CDKL5: variants seen among roughly 807,000 people sequenced by gnomAD.
CDKL5 encodes the protein cyclin dependent kinase like 5.
A neutral mutation model predicts 61.7 loss-of-function variants in CDKL5; 8 were observed. That is an observed-to-expected ratio of 0.13 (90% CI 0.08 to 0.23). CDKL5 has a LOEUF of 0.23. Among genes scored for constraint, CDKL5 ranks in the 10% least tolerant of loss-of-function variants. The pLI is 1.00. For synonymous variants in CDKL5, 275 were observed against 272.3 expected, an observed-to-expected ratio of 1.01 and a Z score of -0.10; for missense variants, 440 against 734.5, an observed-to-expected ratio of 0.60 and a Z score of 4.63.
chrX:18,583,243 CTG>C (rs760438288), intron 7 of CDKL5, among the ~76,000 whole-genome samples: 90 of 110,657 alleles, frequency 8.1e-4, no homozygotes, highest in African/African-American at 2.7e-3. Flanking sequence ...AGAGAAAAGA[CTG>C]TTGTAAATGG....
intron 11 of CDKL5, among the ~76,000 whole-genome samples, chrX:18,602,234 T>C (rs1926201840): frequency 9.0e-6 from 1 of 111,655 alleles, no homozygotes; most frequent in Admixed American, 9.5e-5. Flanking sequence ...GGATTGGAGG[T>C]TGGGCAAATG....
chrX:18,650,285 G>T, intron 20 of CDKL5: 2 of 610,563 alleles, frequency 3.3e-6, no homozygotes, highest in Non-Finnish European at 5.5e-6. Context: ...AGACGTGGAT[G>T]CTGTACTTAC....
chrX:18,552,232 C>CA (rs2147123102), intron 3 of CDKL5, among the ~76,000 whole-genome samples: 1 of 95,773 alleles, frequency 1.0e-5, no homozygotes, highest in Non-Finnish European at 2.1e-5. Flanking sequence ...AGTGAGACTC[C>CA]GTCTCAAAAA....
rs372022123 is a variant in CDKL5 at position 18,650,640 on chromosome X, G to A, written c.2980+48G>A. On this transcript the variant is annotated intron_variant, in intron 21 of 21. Transcript: ENST00000379989. ...TGGGGCTCAGCCTGGGCTGTACCTCGGAATTGCCCGAGGAGCTGTAGAAAT... is the reference window on the plus strand; with the variant it reads ...TGGGGCTCAGCCTGGGCTGTACCTCAGAATTGCCCGAGGAGCTGTAGAAAT... 64 of 1,164,337 alleles carry A rather than the reference G, an allele frequency of 5.5e-5. 1 individual carries two copies. The highest frequency in any genetic ancestry group is 6.9e-5 in the Non-Finnish European group (59 of 854,375).
intron 11 of CDKL5, among the ~76,000 whole-genome samples, chrX:18,602,470 C>G (rs1926208527): frequency 1.8e-5 from 1 of 56,770 alleles, no homozygotes; most frequent in Admixed American, 2.4e-4. Context: ...CTTTGTAATT[C>G]CTTTCTAGGT....
chrX:18,431,053 G>A (rs1216795223), intron 1 of CDKL5, among the ~76,000 whole-genome samples: 3 of 108,458 alleles, frequency 2.8e-5, no homozygotes, highest in African/African-American at 6.7e-5. Flanking sequence ...TAGTAGAGAC[G>A]GGGTTTCACC....
At chrX:18,626,249 G>C (rs1024033796) in intron 17 of CDKL5, among the ~76,000 whole-genome samples, 4 of 109,873 alleles carry the variant, frequency 3.6e-5, no homozygotes, top group Non-Finnish European at 5.7e-5. Flanking sequence ...TCGAATTTTT[G>C]GTAGAGACGG....
In CDKL5 at chrX:18,628,487, C is replaced by T. The variant is rs1927140186; in HGVS notation, c.2613C>T (p.Phe871=). The T allele has an allele frequency of 1.7e-6, 2 of 1,212,067 alleles. No homozygotes were observed. Among genetic ancestry groups the T allele is most frequent in the Non-Finnish European group, 2.2e-6 (2 of 895,568 alleles). Residue 871 remains phenylalanine, a synonymous_variant, in exon 18 of 18, where the codon TTC becomes TTT. Transcript: ENST00000623535. ...CAGCTCAACAAACCAAAAATTCCTT[C>T]TCAGAAATTCGGATTCACCCCCTGA... is the stretch of plus-strand genomic sequence containing the variant. ...PLTAQQTKNS[F]SEIRIHPLSQ...
At chrX:18,496,203 G>A (rs775504994) in intron 1 of CDKL5, among the ~76,000 whole-genome samples, 1 of 112,426 alleles carries the variant, frequency 8.9e-6, no homozygotes, top group South Asian at 3.7e-4. Flanking sequence ...CTATCAGATT[G>A]CAGTCTGCTT....
At chrX:18,540,129 G>A (rs1262355560) in intron 3 of CDKL5, among the ~76,000 whole-genome samples, 2 of 110,437 alleles carry the variant, frequency 1.8e-5, no homozygotes, top group Non-Finnish European at 3.8e-5. Flanking sequence ...TAAATTCCAA[G>A]CTTCTTTGGT....
intron 2 of CDKL5, among the ~76,000 whole-genome samples, chrX:18,509,197 G>GCACGCGCACACA (rs1204561636): frequency 4.7e-5 from 3 of 64,308 alleles, no homozygotes; most frequent in South Asian, 1.1e-3. Flanking sequence ...CTCAAAACAC[G>GCACGCGCACACA]CACACACACA....
intron 1 of CDKL5, among the ~76,000 whole-genome samples, chrX:18,446,609 A>G (rs1164328053): frequency 8.9e-6 from 1 of 111,885 alleles, no homozygotes; most frequent in Non-Finnish European, 1.9e-5. Flanking sequence ...TAATCAATAT[A>G]CAGTATGTGA....
At chrX:18,505,984 C>G (rs906765248) in intron 1 of CDKL5, among the ~76,000 whole-genome samples, 1 of 112,906 alleles carries the variant, frequency 8.9e-6, no homozygotes, top group African/African-American at 3.2e-5. Context: ...TGGAATTATA[C>G]TTCGCAAAAG....
chrX:18,504,702 C>T (rs1024288262), intron 1 of CDKL5, among the ~76,000 whole-genome samples: 1 of 110,496 alleles, frequency 9.1e-6, no homozygotes, highest in Non-Finnish European at 1.9e-5. Flanking sequence ...GAGGCCGAGA[C>T]GGGCGGATCA....
At chrX:18,502,901 C>T (rs945676631) in intron 1 of CDKL5, among the ~76,000 whole-genome samples, 3 of 111,539 alleles carry the variant, frequency 2.7e-5, no homozygotes, top group African/African-American at 9.8e-5. Context: ...GAGGGTGTTG[C>T]TTCTACTTGG....
Position 18,613,264 on chromosome X carries a change from A to T in CDKL5, c.2265A>T (p.Ala755=), listed in dbSNP as rs727503846. ...SGTNHSKRQP[A]FDPWKSPENI... ...CCAACCACTCAAAAAGACAACCAGC[A>T]TTCGATCCATGGTGAGCATTTTGGT... The change falls in exon 15 of 18, where the codon GCA becomes GCT. Residue 755 remains alanine, a synonymous_variant. Transcript: ENST00000623535. The T allele has an allele frequency of 1.7e-6, 2 of 1,199,170 alleles. No homozygotes were observed. The highest frequency in any genetic ancestry group is 2.3e-6 in the Non-Finnish European group (2 of 887,514).
intron 11 of CDKL5, 107 bp from the exon 12 acceptor site, chrX:18,603,794 GT>G: frequency 1.1e-6 from 1 of 936,449 alleles, no homozygotes; most frequent in Non-Finnish European, 1.5e-6. Flanking sequence ...GAGAATTAAT[GT>G]TTTTAGTCTT....
intron 1 of CDKL5, among the ~76,000 whole-genome samples, chrX:18,471,826 T>G (rs1221012031): frequency 9.0e-6 from 1 of 111,565 alleles, no homozygotes; most frequent in African/African-American, 3.3e-5. Flanking sequence ...TGCAACCAGC[T>G]CTTCCCGGGT....
chrX:18,546,625 A>C (rs1397323994), intron 3 of CDKL5, among the ~76,000 whole-genome samples: 1 of 111,729 alleles, frequency 9.0e-6, no homozygotes, highest in Admixed American at 9.5e-5. Context: ...GGTCACTGTA[A>C]GTTTCATCAG....
Sources: gnomAD v4.1 joint callset for allele counts (sites outside exome capture counted in the v4.1 genomes callset) on GRCh38, gnomAD v4.1.1 for gene constraint, MANE v1.5 for transcripts, NCBI Gene and HGNC (gene_info 2026-07-23, HGNC 2026-07-21) for gene names.